CSMD1: variants seen among roughly 807,000 people sequenced by gnomAD.
CSMD1 encodes the protein CUB and sushi domain-containing protein 1.
CSMD1 carries 213 observed loss-of-function variants against 417.5 expected under a neutral mutation model. The observed-to-expected ratio is 0.51, with a 90% CI of 0.46 to 0.57. The LOEUF is 0.57. CSMD1 is among the 20% of genes least tolerant of loss of function. The pLI is 0.00. For missense variants in CSMD1, 6,923 were observed against 4,529.7 expected (o/e 1.53, Z -15.17); for synonymous variants, 2,862 against 1,736.8 (o/e 1.65, Z -16.11).
At chr8:3,977,466 C>G (rs189992500) in intron 5 of CSMD1, among the ~76,000 whole-genome samples, 2 of 151,902 alleles carry the variant, frequency 1.3e-5, no homozygotes, top group African/African-American at 4.8e-5. Context: ...GGCATTGGTG[C>G]GACTTAAAGA....
chr8:4,986,113 G>T (rs1432286211), intron 1 of CSMD1, among the ~76,000 whole-genome samples: 3 of 152,156 alleles, frequency 2.0e-5, no homozygotes, highest in African/African-American at 7.2e-5. Flanking sequence ...GACTAAAATT[G>T]TTGATGGACT....
At chr8:3,280,651 A>T (rs1383582149) in intron 26 of CSMD1, among the ~76,000 whole-genome samples, 1 of 152,228 alleles carries the variant, frequency 6.6e-6, no homozygotes, top group Non-Finnish European at 1.5e-5. Context: ...GTCAACATTC[A>T]ATCATTTTTT....
At chr8:3,483,789 A>C (rs1198297563) in intron 11 of CSMD1, among the ~76,000 whole-genome samples, 1 of 152,178 alleles carries the variant, frequency 6.6e-6, no homozygotes, top group Non-Finnish European at 1.5e-5. Context: ...AATTATACTC[A>C]ATCATGAAGT....
intron 10 of CSMD1, among the ~76,000 whole-genome samples, chr8:3,536,668 T>C (rs1206933673): frequency 6.6e-6 from 1 of 152,132 alleles, no homozygotes; most frequent in Non-Finnish European, 1.5e-5. Flanking sequence ...TGGTCAGAAG[T>C]GTAGGCACAG....
chr8:4,782,965 A>G (rs1483299036), intron 1 of CSMD1, among the ~76,000 whole-genome samples: 1 of 151,180 alleles, frequency 6.6e-6, no homozygotes. Context: ...AAAAAAAAAG[A>G]CGACTTCAGA....
chr8:4,151,449 G>C (rs775829923), intron 3 of CSMD1, among the ~76,000 whole-genome samples: 20 of 152,258 alleles, frequency 1.3e-4, no homozygotes, highest in Middle Eastern at 3.4e-3. Context: ...ATTGCAATAA[G>C]ATATTGAATC....
At chr8:3,558,123 T>C (rs1156371914) in intron 10 of CSMD1, among the ~76,000 whole-genome samples, 37 of 149,216 alleles carry the variant, frequency 2.5e-4, no homozygotes, top group Non-Finnish European at 3.1e-4. Flanking sequence ...GCCTCAATGG[T>C]ACCCCGTGTC....
intron 18 of CSMD1, among the ~76,000 whole-genome samples, chr8:3,375,433 A>G (rs952782440): frequency 1.3e-5 from 2 of 152,064 alleles, no homozygotes; most frequent in Admixed American, 1.3e-4. Flanking sequence ...TCCTGAAACC[A>G]CAAATACAGT....
In CSMD1 at chr8:3,198,884, C is replaced by G. The variant is rs545427394; in HGVS notation, c.5194+830G>C. On this transcript the variant is annotated intron_variant, in intron 33 of 69. Coordinates refer to ENST00000635120, the MANE Select transcript of CSMD1 (RefSeq NM_033225.6). Reference sequence around the variant, plus strand: ...AATACTTAACAGTGGCCATTAGTATCTGTAGCCTCCAGCAAAATTGAGACC... The same window carrying G: ...AATACTTAACAGTGGCCATTAGTATGTGTAGCCTCCAGCAAAATTGAGACC... Among the ~76,000 whole-genome samples the G allele has an allele frequency of 2.6e-5, 4 of 151,094 alleles. No homozygotes were observed. The East Asian group carries it at 7.8e-4, about 29-fold the overall frequency.
At chr8:3,161,171 G>C (rs1472088583) in intron 38 of CSMD1, among the ~76,000 whole-genome samples, 2 of 152,126 alleles carry the variant, frequency 1.3e-5, no homozygotes, top group Non-Finnish European at 2.9e-5. Context: ...CTGGCAGAGA[G>C]AATTATATAA....
chr8:4,086,561 A>T (rs565746409), intron 3 of CSMD1, among the ~76,000 whole-genome samples: 2 of 152,182 alleles, frequency 1.3e-5, no homozygotes, highest in Non-Finnish European at 2.9e-5. Flanking sequence ...GGGCCCACAG[A>T]GTTACATCCA....
At chr8:3,172,879 C>T (rs1273272274) in intron 37 of CSMD1, among the ~76,000 whole-genome samples, 1 of 152,176 alleles carries the variant, frequency 6.6e-6, no homozygotes, top group Non-Finnish European at 1.5e-5. Flanking sequence ...CAATATTTAT[C>T]TCATGATTGA....
At chr8:3,413,713 C>G (rs17066051) in intron 12 of CSMD1, among the ~76,000 whole-genome samples, 15,256 of 152,132 alleles carry the variant, frequency 0.1, 961 homozygotes, top group East Asian at 0.26. Context: ...ACAAGTTTTG[C>G]AATTTTATTT....
chr8:4,614,595 G>A (rs565067032), intron 2 of CSMD1, among the ~76,000 whole-genome samples: 1 of 152,152 alleles, frequency 6.6e-6, no homozygotes, highest in Non-Finnish European at 1.5e-5. Context: ...AACAACCAGA[G>A]GAAAGTCCGC....
In CSMD1 at chr8:4,177,075, C is replaced by T. The variant is rs572759091; in HGVS notation, c.416-144976G>A. Among the ~76,000 whole-genome samples the T allele has an allele frequency of 1.0e-3, 157 of 152,208 alleles. No homozygotes were observed. The South Asian group carries it at 0.01, about 10-fold the overall frequency. ...GAATTGAACTCATCTCTGCACCAAGCGGACCTAATAGACATCTACAGAACT... is the reference window on the plus strand; with the variant it reads ...GAATTGAACTCATCTCTGCACCAAGTGGACCTAATAGACATCTACAGAACT... On this transcript the variant is annotated intron_variant, in intron 3 of 69. Coordinates refer to ENST00000635120, the MANE Select transcript of CSMD1 (RefSeq NM_033225.6).
intron 3 of CSMD1, among the ~76,000 whole-genome samples, chr8:4,355,543 A>G (rs553301723): frequency 4.6e-5 from 7 of 152,310 alleles, no homozygotes; most frequent in South Asian, 2.1e-4. Context: ...CCTTCAGTAC[A>G]TAAGTGAAGA....
chr8:4,888,513 G>C (rs1803899388), intron 1 of CSMD1, among the ~76,000 whole-genome samples: 1 of 151,946 alleles, frequency 6.6e-6, no homozygotes, highest in African/African-American at 2.4e-5. Flanking sequence ...ATGAGAGAGA[G>C]AGAGAGAGAG....
chr8:4,089,224 T>G (rs374568366), intron 3 of CSMD1, among the ~76,000 whole-genome samples: 1 of 152,184 alleles, frequency 6.6e-6, no homozygotes, highest in Admixed American at 6.6e-5. Flanking sequence ...ATAAGCTCCA[T>G]AAGGACATGG....
chr8:4,390,497 T>TTATTTATTTATTTATTTA (rs1554457300), intron 3 of CSMD1, among the ~76,000 whole-genome samples: 1 of 140,324 alleles, frequency 7.1e-6, no homozygotes, highest in African/African-American at 2.7e-5. Flanking sequence ...AAGCGTCCAT[T>TTATTTATTTATTTATTTA]TTTATTTATT....
Sources: allele counts gnomAD v4.1 joint callset (sites outside exome capture counted in the v4.1 genomes callset), GRCh38; gene constraint gnomAD v4.1.1; transcripts MANE v1.5; gene names NCBI Gene and HGNC (gene_info 2026-07-23, HGNC 2026-07-21).